DIAPH3: variants seen among roughly 807,000 people sequenced by gnomAD.
DIAPH3 encodes the protein protein diaphanous homolog 3.
A neutral mutation model predicts 144.3 loss-of-function variants in DIAPH3; 117 were observed. The ratio of observed to expected loss-of-function variants is 0.81; its 90% CI spans 0.70 to 0.95. The LOEUF (loss-of-function observed/expected upper bound fraction) is 0.95. Among genes scored for constraint, DIAPH3 ranks in the 40% least tolerant of loss-of-function variants. DIAPH3 has a pLI of 0.00. For missense variants in DIAPH3, 1,421 were observed against 1,412.7 expected (o/e 1.01, Z -0.09); for synonymous variants, 519 against 488.9 (o/e 1.06, Z -0.81).
In DIAPH3 at chr13:59,769,695, C is replaced by A. The variant is rs116291294; in HGVS notation, c.3319+4494G>T. 2.8e-3 allele frequency among the ~76,000 whole-genome samples: 426 copies of A among 152,054 alleles called. 3 individuals carry two copies. Among genetic ancestry groups the A allele is most frequent in the African/African-American group, 9.4e-3 (392 of 41,510 alleles). On this transcript the variant is annotated intron_variant, in intron 27 of 27. Coordinates refer to ENST00000400324, the MANE Select transcript of DIAPH3 (RefSeq NM_001042517.2). ...TTCCATACTAACTATGGGGACCTGT[C>A]ATTTTCATGCTCAAAAACCTCAACA...
chr13:59,949,204 G>A (rs1167805598), intron 17 of DIAPH3, among the ~76,000 whole-genome samples: 2 of 152,096 alleles, frequency 1.3e-5, no homozygotes, highest in African/African-American at 2.4e-5. Context: ...CAGAAAACTG[G>A]CACATGTTAA....
intron 25 of DIAPH3, among the ~76,000 whole-genome samples, chr13:59,793,866 T>C (rs1370930719): frequency 6.6e-6 from 1 of 152,198 alleles, no homozygotes; most frequent in Non-Finnish European, 1.5e-5. Flanking sequence ...CTGGGATGTG[T>C]TGGTCATACT....
At chr13:59,965,985 T>C (rs1389401494) in intron 17 of DIAPH3, among the ~76,000 whole-genome samples, 1 of 152,198 alleles carries the variant, frequency 6.6e-6, no homozygotes, top group Non-Finnish European at 1.5e-5. Flanking sequence ...AGTGCTTATA[T>C]ACATTTCCAG....
At position 59,774,603 on chromosome 13, in the gene DIAPH3, C is replaced by T. The variant is rs187215554; in HGVS notation, c.3259+125G>A. ...CAAGGGATTAAGCAAACTTATGAAACTTCTGAACAGTTGTTGCCCACGGCA... is the reference window on the plus strand; with the variant it reads ...CAAGGGATTAAGCAAACTTATGAAATTTCTGAACAGTTGTTGCCCACGGCA... On this transcript the variant is annotated intron_variant, in intron 26 of 27. Coordinates refer to ENST00000400324, the MANE Select transcript of DIAPH3 (RefSeq NM_001042517.2). The T allele has an allele frequency of 4.3e-6, 4 of 924,234 alleles. No individual in the cohort carries two copies. In the Admixed American group the frequency reaches 6.0e-5, roughly 14 times the overall value. The allele number at this position is 924,234 out of a possible 1,614,324, so 57.3% of individuals were successfully genotyped here.
intron 24 of DIAPH3, among the ~76,000 whole-genome samples, chr13:59,829,412 C>A (rs932817156): frequency 6.6e-6 from 1 of 151,744 alleles, no homozygotes; most frequent in Non-Finnish European, 1.5e-5. Flanking sequence ...GACTGTGGAG[C>A]CAGACAGCCT....
intron 27 of DIAPH3, among the ~76,000 whole-genome samples, chr13:59,697,459 CAAAAAAAAAAAAAAAAAAA>C (rs58372882): frequency 6.4e-5 from 2 of 31,164 alleles, no homozygotes; most frequent in Non-Finnish European, 1.1e-4. Flanking sequence ...GACACTGTCT[CAAAAAAAAAAAAAAAAAAA>C]AAAAAAAAAA....
At chr13:60,067,181 A>G (rs1413767256) in intron 4 of DIAPH3, among the ~76,000 whole-genome samples, 2 of 152,040 alleles carry the variant, frequency 1.3e-5, no homozygotes, top group Non-Finnish European at 2.9e-5. Context: ...GCTACTCTGG[A>G]GGCTAAGGTG....
intron 3 of DIAPH3, among the ~76,000 whole-genome samples, chr13:60,096,930 G>A (rs1415520566): frequency 6.6e-6 from 1 of 152,158 alleles, no homozygotes; most frequent in Non-Finnish European, 1.5e-5. Flanking sequence ...ATAGCATACT[G>A]TAGGACTTCT....
intron 25 of DIAPH3, among the ~76,000 whole-genome samples, chr13:59,808,516 T>C (rs1445842442): frequency 1.3e-5 from 2 of 152,094 alleles, no homozygotes; most frequent in Non-Finnish European, 2.9e-5. Flanking sequence ...GAAAATCAGT[T>C]TGTAAGTATG....
At chr13:60,040,617 A>G (rs1487536724) in intron 5 of DIAPH3, among the ~76,000 whole-genome samples, 1 of 152,172 alleles carries the variant, frequency 6.6e-6, no homozygotes, top group African/African-American at 2.4e-5. Context: ...GTAGTAGTAA[A>G]TAAAGGGTCT....
At chr13:60,149,046 C>G (rs1951661340) in intron 1 of DIAPH3, among the ~76,000 whole-genome samples, 1 of 152,152 alleles carries the variant, frequency 6.6e-6, no homozygotes, top group Admixed American at 6.6e-5. Flanking sequence ...GGAAGCAGAG[C>G]ATGGTATTCA....
intron 20 of DIAPH3, among the ~76,000 whole-genome samples, chr13:59,892,023 G>GCAA (rs897806905): frequency 6.6e-5 from 10 of 151,348 alleles, no homozygotes; most frequent in South Asian, 2.1e-4. Flanking sequence ...AAACAAACAA[G>GCAA]CAACAACAAC....
At chr13:59,766,161 G>A (rs1223481801) in intron 27 of DIAPH3, among the ~76,000 whole-genome samples, 2 of 152,118 alleles carry the variant, frequency 1.3e-5, no homozygotes, top group African/African-American at 4.8e-5. Context: ...TGAGCATTGT[G>A]GTCACACGTG....
rs1461228494 is a variant in DIAPH3, at chr13:59,924,851, A to T, written c.2094T>A (p.Asp698Glu). Residue 698 changes from aspartate (D) to glutamate (E), a missense_variant, in exon 18 of 28, where the codon GAT becomes GAA. Asp to Glu is a conservative substitution (Grantham distance 45). Coordinates refer to ENST00000400324, the MANE Select transcript of DIAPH3 (RefSeq NM_001042517.2). ...CQQKERREEEDIEEKKSIKKK... is the reference protein window; with the variant it reads ...CQQKERREEEEIEEKKSIKKK... ...TCTTAATCGATTTCTTCTCTTCAAT[A>T]TCTTCCTCTTCTCTTCTCTCTGTAA... 2 of 1,600,852 alleles carry T rather than the reference A, an allele frequency of 1.2e-6. No homozygotes were observed. The highest frequency in any genetic ancestry group is 2.3e-5 in the East Asian group (1 of 44,312).
chr13:59,861,525 T>C lies in DIAPH3; in HGVS notation c.2619A>G (p.Thr873=), dbSNP rs1329474328. The change falls in exon 22 of 28, where the codon ACA becomes ACG. Residue 873 remains threonine, a synonymous_variant. Transcript: ENST00000400324. ...GCGTTGTTTTCTGATCTGCTGATTTTGTGTCCTTTAGCTAAATAGAACAGG... is the reference window on the plus strand; with the variant it reads ...GCGTTGTTTTCTGATCTGCTGATTTCGTGTCCTTTAGCTAAATAGAACAGG... ...NLSSLCKLKD[T]KSADQKTTLL... The C allele has an allele frequency of 6.2e-7, 1 of 1,613,768 alleles. No individual in the cohort carries two copies.
intron 5 of DIAPH3, among the ~76,000 whole-genome samples, chr13:60,039,059 T>C (rs1407895715): frequency 6.6e-6 from 1 of 151,962 alleles, no homozygotes; most frequent in Admixed American, 6.6e-5. Context: ...GAATACTAGA[T>C]AATCAATAAA....
At chr13:60,042,958 C>T in intron 4 of DIAPH3, 138 bp from the exon 5 acceptor site, 1 of 939,478 alleles carries the variant, frequency 1.1e-6, no homozygotes. Flanking sequence ...AAATAATTTC[C>T]TTACTTCTGC....
At chr13:59,948,858 AAGGAAG>A (rs1490720315) in intron 17 of DIAPH3, among the ~76,000 whole-genome samples, 1 of 140,930 alleles carries the variant, frequency 7.1e-6, no homozygotes, top group Non-Finnish European at 1.6e-5. Context: ...GGAAGGAAGG[AAGGAAG>A]GAAGGAAGGA....
At chr13:59,972,530 C>T (rs1453039146) in intron 15 of DIAPH3, among the ~76,000 whole-genome samples, 3 of 152,088 alleles carry the variant, frequency 2.0e-5, no homozygotes, top group East Asian at 1.9e-4. Context: ...AAATCAATGA[C>T]GTCTGAAATC....
Sources: allele counts gnomAD v4.1 joint callset (sites outside exome capture counted in the v4.1 genomes callset), GRCh38; gene constraint gnomAD v4.1.1; transcripts MANE v1.5; gene names NCBI Gene and HGNC (gene_info 2026-07-23, HGNC 2026-07-21).